Variants in PCDHGA7 observed in about 807,000 individuals in gnomAD.
The protein encoded by PCDHGA7 is protocadherin gamma-A7.
A neutral mutation model predicts 58.3 loss-of-function variants in PCDHGA7; 44 were observed. The observed-to-expected ratio is 0.75, with a 90% CI of 0.59 to 0.97. The LOEUF is 0.97. Ranked by LOEUF, PCDHGA7 falls within the 50% of genes least tolerant of loss-of-function variation. PCDHGA7 has a pLI of 0.00. For missense variants in PCDHGA7, 1,266 were observed against 1,188.7 expected, an observed-to-expected ratio of 1.06 and a Z score of -0.96; for synonymous variants, 516 against 504.2, an observed-to-expected ratio of 1.02 and a Z score of -0.31.
In PCDHGA7 at chr5:141,414,957, G is replaced by C. The variant is rs550492051; in HGVS notation, c.2424+29634G>C. 9.2e-5 allele frequency: 148 copies of C among 1,614,018 alleles called. No homozygotes were observed. Among genetic ancestry groups the C allele is most frequent in the Non-Finnish European group, 1.2e-4 (144 of 1,180,044 alleles). ...CAGAGCCCGGCTACCTGGTGACCAA[G>C]GTGGTGGCGGTGGACAGAGACTCCG... is the stretch of plus-strand genomic sequence containing the variant. On this transcript the variant is annotated intron_variant, in intron 1 of 3. Coordinates refer to ENST00000518325, the MANE Select transcript of PCDHGA7 (RefSeq NM_018920.4).
At chr5:141,397,110 C>T (rs561188757) in intron 1 of PCDHGA7, among the ~76,000 whole-genome samples, 1 of 152,324 alleles carries the variant, frequency 6.6e-6, no homozygotes, top group African/African-American at 2.4e-5. Context: ...ATGCAATCCA[C>T]TAGAATATCC....
chr5:141,417,839 C>A, intron 1 of PCDHGA7: 1 of 1,534,218 alleles, frequency 6.5e-7, no homozygotes, highest in South Asian at 1.2e-5. Flanking sequence ...AGCGGGGACC[C>A]AGCGAGAACC....
intron 1 of PCDHGA7, chr5:141,404,707 C>T: frequency 6.2e-7 from 1 of 1,614,122 alleles, no homozygotes; most frequent in Non-Finnish European, 8.5e-7. Flanking sequence ...CAGAGCCTGG[C>T]TACCTGGTGA....
intron 1 of PCDHGA7, chr5:141,408,041 C>T: frequency 1.7e-6 from 2 of 1,193,652 alleles, no homozygotes; most frequent in Non-Finnish European, 2.3e-6. Context: ...AAACCAGCTC[C>T]CACACAGAGC....
intron 1 of PCDHGA7, chr5:141,408,023 A>G (rs2095028170): frequency 1.9e-6 from 2 of 1,054,662 alleles, no homozygotes; most frequent in Middle Eastern, 3.2e-4. Context: ...CCAACAACAG[A>G]AAGAAGAAAA....
intron 1 of PCDHGA7, among the ~76,000 whole-genome samples, chr5:141,462,825 C>T (rs1040054698): frequency 4.6e-5 from 7 of 152,124 alleles, no homozygotes; most frequent in Admixed American, 3.9e-4. Context: ...GGACAGCAGA[C>T]ATTGTAAATG....
intron 1 of PCDHGA7, chr5:141,389,731 G>A: frequency 6.2e-7 from 1 of 1,612,688 alleles, no homozygotes; most frequent in Non-Finnish European, 8.5e-7. Flanking sequence ...GGGCTCTTCA[G>A]CCTGGGGCTG....
intron 1 of PCDHGA7, chr5:141,408,760 C>T: frequency 6.2e-7 from 1 of 1,610,404 alleles, no homozygotes. Flanking sequence ...GAGTTAATTC[C>T]GATGGTGGCA....
intron 1 of PCDHGA7, among the ~76,000 whole-genome samples, chr5:141,396,987 T>C (rs2093462210): frequency 6.6e-6 from 1 of 152,232 alleles, no homozygotes; most frequent in Admixed American, 6.5e-5. Context: ...GCTAGTTGTT[T>C]TTATTAATCT....
In PCDHGA7 at chr5:141,445,206, A is replaced by G. The variant is rs1244524491; in HGVS notation, c.2425-49601A>G. On this transcript the variant is annotated intron_variant, in intron 1 of 3. Transcript: ENST00000518325. ...TTTTTATGTATTCTATATGCTTTTGAAAAGTAAGAGGTGCAAAGTGCTCTA... is the reference window on the plus strand; with the variant it reads ...TTTTTATGTATTCTATATGCTTTTGGAAAGTAAGAGGTGCAAAGTGCTCTA... 3.3e-5 allele frequency among the ~76,000 whole-genome samples: 5 copies of G among 152,182 alleles called. No individual in the cohort carries two copies. The East Asian group carries it at 7.7e-4, about 23-fold the overall frequency.
rs763321545 is a variant in PCDHGA7 at position 141,389,799 on chromosome 5, C to A, written c.2424+4476C>A. 1.2e-5 allele frequency: 19 copies of A among 1,613,678 alleles called. No individual in the cohort carries two copies. The South Asian group carries it at 1.9e-4, about 16-fold the overall frequency. On this transcript the variant is annotated intron_variant, in intron 1 of 3. Transcript: ENST00000518325. ...AGGCGACAGGGACGCCGTCCGCCAG[C>A]GCCTTCTGGTCGCCGTGCGTGACGG...
intron 1 of PCDHGA7, chr5:141,404,308 C>G: frequency 1.2e-6 from 2 of 1,613,918 alleles, no homozygotes; most frequent in East Asian, 2.2e-5. Flanking sequence ...CACCTGCTTT[C>G]TCTCAAGCCT....
chr5:141,420,382 C>A, intron 1 of PCDHGA7: 1 of 1,300,530 alleles, frequency 7.7e-7, no homozygotes. Flanking sequence ...ATAGAGTTCG[C>A]AAAATATAGG....
At chr5:141,393,114 C>A (rs750579370) in intron 1 of PCDHGA7, 3 of 1,613,300 alleles carry the variant, frequency 1.9e-6, no homozygotes, top group South Asian at 2.2e-5. Context: ...TCAGAGCCCG[C>A]GGTGTCTGAT....
chr5:141,384,840 G>C lies in PCDHGA7; in HGVS notation c.1941G>C (p.Gln647His). 6.2e-7 allele frequency: 1 copy of C among 1,613,610 alleles called. No homozygotes were observed. The highest frequency in any genetic ancestry group is 1.3e-5 in the African/African-American group (1 of 75,062). The change falls in exon 1 of 4, where the codon CAG (glutamine) becomes CAC (histidine). Residue 647 changes from glutamine (Q) to histidine (H), a missense_variant. Physicochemically the swap from Gln to His is conservative, Grantham distance 24 (BLOSUM62 0). Coordinates refer to ENST00000518325, the MANE Select transcript of PCDHGA7 (RefSeq NM_018920.4). ...ALKQSLVVAV[Q>H]DHGQPPLSAT... is the part of the protein sequence containing the mutation. ...AGCAGAGCCTCGTGGTGGCCGTCCA[G>C]GACCACGGTCAGCCTCCTCTGTCAG...
intron 1 of PCDHGA7, among the ~76,000 whole-genome samples, chr5:141,438,211 A>G (rs767576436): frequency 7.8e-4 from 119 of 152,308 alleles, no homozygotes; most frequent in Admixed American, 2.3e-3. Context: ...CCATATGGGA[A>G]GGGCTCTGGT....
chr5:141,461,088 G>A (rs2099008870), intron 1 of PCDHGA7, among the ~76,000 whole-genome samples: 1 of 151,800 alleles, frequency 6.6e-6, no homozygotes, highest in Non-Finnish European at 1.5e-5. Context: ...GAATTGTGCT[G>A]CTATAAACAT....
Position 141,382,770 on chromosome 5 carries a change from C to T in PCDHGA7, c.-130C>T. On this transcript the variant is annotated 5_prime_UTR_variant, in exon 1 of 4. Transcript: ENST00000518325. ...TTGCGATAAGCCCTCTTCCAGGCTG[C>T]ACTAAACTCAAGCCTCTATCCTGCT... 7 of 734,404 alleles carry T rather than the reference C, an allele frequency of 9.5e-6. No individual in the cohort carries two copies. The highest frequency in any genetic ancestry group is 1.5e-5 in the Non-Finnish European group (7 of 451,644). The allele number at this position is 734,404 out of a possible 1,614,324, so 45.5% of individuals were successfully genotyped here. A position where few individuals can be genotyped will look rare whatever the true frequency, so the allele number is the denominator to read the frequency against.
chr5:141,474,516 T>G (rs999585038), intron 1 of PCDHGA7, among the ~76,000 whole-genome samples: 1 of 152,240 alleles, frequency 6.6e-6, no homozygotes, highest in Non-Finnish European at 1.5e-5. Context: ...GCCCTCTTGC[T>G]GGTCTGGCTA....
Sources: allele counts gnomAD v4.1 joint callset (sites outside exome capture counted in the v4.1 genomes callset), GRCh38; gene constraint gnomAD v4.1.1; transcripts MANE v1.5; gene names NCBI Gene and HGNC (gene_info 2026-07-23, HGNC 2026-07-21).